The following RBFOX1 variants were observed in gnomAD, a reference collection of about 807,000 sequenced individuals.
RBFOX1 encodes RNA binding protein fox-1 homolog 1.
A neutral mutation model predicts 57.7 loss-of-function variants in RBFOX1; 8 were observed. That is an observed-to-expected ratio of 0.14 (90% CI 0.08 to 0.25). The LOEUF is 0.25. Ranked by LOEUF, RBFOX1 falls within the 10% of genes least tolerant of loss-of-function variation. The pLI is 1.00. For synonymous variants in RBFOX1, 326 were observed against 222.4 expected (o/e 1.47, Z -4.15); for missense variants, 611 against 548.5 (o/e 1.11, Z -1.14).
At chr16:7,709,979 T>G in intron 15 of RBFOX1, 10 of 1,008,330 alleles carry the variant, frequency 9.9e-6, no homozygotes, top group Non-Finnish European at 1.1e-5. Context: ...TTGCCAATAC[T>G]TTTAGAAAAA....
At chr16:7,148,771 C>T (rs572102473) in intron 4 of RBFOX1, among the ~76,000 whole-genome samples, 4 of 152,324 alleles carry the variant, frequency 2.6e-5, no homozygotes, top group South Asian at 2.1e-4. Context: ...GCAGAGCTGC[C>T]TGAGACTAAT....
At chr16:7,608,916 G>A (rs2141335194) in intron 10 of RBFOX1, among the ~76,000 whole-genome samples, 1 of 152,262 alleles carries the variant, frequency 6.6e-6, no homozygotes, top group South Asian at 2.1e-4. Flanking sequence ...TTCCTTCATT[G>A]ATGAGAGTAC....
intron 4 of RBFOX1, among the ~76,000 whole-genome samples, chr16:7,179,693 T>G (rs959727146): frequency 3.3e-5 from 5 of 152,098 alleles, no homozygotes; most frequent in African/African-American, 1.2e-4. Flanking sequence ...CCTTCATTTG[T>G]ATATAGAACT....
intron 1 of RBFOX1, among the ~76,000 whole-genome samples, chr16:6,109,704 C>A (rs1360835890): frequency 6.6e-6 from 1 of 152,056 alleles, no homozygotes; most frequent in Non-Finnish European, 1.5e-5. Context: ...TAAAAAATTA[C>A]TTGACTGGGG....
intron 2 of RBFOX1, among the ~76,000 whole-genome samples, chr16:6,638,810 A>G (rs891334678): frequency 6.6e-6 from 1 of 152,180 alleles, no homozygotes. Context: ...GATGGCCACC[A>G]TTTTGGTCTT....
At chr16:6,997,066 A>G (rs927175316) in intron 3 of RBFOX1, among the ~76,000 whole-genome samples, 6 of 152,148 alleles carry the variant, frequency 3.9e-5, no homozygotes, top group African/African-American at 9.7e-5. Flanking sequence ...TAGACAGATG[A>G]AAAATAATAA....
rs371795746 is a variant in RBFOX1 at position 7,022,979 on chromosome 16, C to T, written c.-15-29078C>T. On this transcript the variant is annotated intron_variant, in intron 3 of 15. Coordinates refer to ENST00000550418, the MANE Select transcript of RBFOX1 (RefSeq NM_018723.4). ...ACAGCCAGGAAGGAGGCAGAATGGG[C>T]AGTGAAATGCTTTTGCAGAAGTTGG... is the stretch of plus-strand genomic sequence containing the variant. Among the ~76,000 whole-genome samples the T allele has an allele frequency of 2.6e-4, 39 of 152,158 alleles. 1 individual carries two copies. Among genetic ancestry groups the T allele is most frequent in the East Asian group, 2.5e-3 (13 of 5,154 alleles).
intron 3 of RBFOX1, among the ~76,000 whole-genome samples, chr16:6,658,559 A>G (rs1330732518): frequency 6.6e-6 from 1 of 152,134 alleles, no homozygotes; most frequent in East Asian, 1.9e-4. Context: ...TTATCTGCGC[A>G]CAGTCTGGGC....
At chr16:7,146,824 C>A (rs2075072387) in intron 4 of RBFOX1, among the ~76,000 whole-genome samples, 1 of 149,826 alleles carries the variant, frequency 6.7e-6, no homozygotes, top group African/African-American at 2.5e-5. Context: ...GTGGCACATG[C>A]CTGTAGTCCC....
rs112929793 is a variant in RBFOX1, at chr16:7,449,134, G to A, written c.28-69013G>A. 4.8e-3 allele frequency among the ~76,000 whole-genome samples: 732 copies of A among 151,988 alleles called. 4 individuals are homozygous for A. The highest frequency in any genetic ancestry group is 0.016 in the African/African-American group (668 of 41,442). Reference sequence around the variant, plus strand: ...AGTAGAGACGGGGTTTCTCCATGTTGGTCAGGCTGGTCTCGAACTCCCGAC... The same window carrying A: ...AGTAGAGACGGGGTTTCTCCATGTTAGTCAGGCTGGTCTCGAACTCCCGAC... On this transcript the variant is annotated intron_variant, in intron 4 of 15. Coordinates refer to ENST00000550418, the MANE Select transcript of RBFOX1 (RefSeq NM_018723.4).
intron 1 of RBFOX1, among the ~76,000 whole-genome samples, chr16:6,039,670 A>C (rs1237729347): frequency 5.9e-5 from 9 of 152,248 alleles, no homozygotes; most frequent in African/African-American, 1.9e-4. Flanking sequence ...AAACGTTTCA[A>C]ATTCTCTCAC....
intron 2 of RBFOX1, among the ~76,000 whole-genome samples, chr16:6,318,989 C>G (rs867746488): frequency 4.6e-5 from 7 of 151,888 alleles, no homozygotes; most frequent in African/African-American, 1.7e-4. Flanking sequence ...TCCTCTGGAA[C>G]AAACATTGAA....
Position 6,780,310 on chromosome 16 carries a change from TA to T in RBFOX1, c.-16+125661del, listed in dbSNP as rs1417570905. ...ACATATATATATTTATACATATATATATTTATTCATATTTATATATATTTAT... is the reference window on the plus strand; with the variant it reads ...ACATATATATATTTATACATATATATTTTATTCATATTTATATATATTTAT... On this transcript the variant is annotated intron_variant, in intron 3 of 15. Coordinates refer to ENST00000550418, the MANE Select transcript of RBFOX1 (RefSeq NM_018723.4). Among the ~76,000 whole-genome samples the T allele has an allele frequency of 2.4e-4, 17 of 70,894 alleles. 2 individuals are homozygous for T. Among genetic ancestry groups the T allele is most frequent in the African/African-American group, 1.2e-3 (16 of 13,732 alleles). The allele number at this position is 70,894 out of a possible 152,430, so 46.5% of individuals were successfully genotyped here. A position where few individuals can be genotyped will look rare whatever the true frequency, so the allele number is the denominator to read the frequency against.
At chr16:6,351,360 A>C (rs2086333207) in intron 2 of RBFOX1, among the ~76,000 whole-genome samples, 1 of 93,612 alleles carries the variant, frequency 1.1e-5, no homozygotes, top group African/African-American at 5.9e-5. Flanking sequence ...GTGTATATAT[A>C]TATATATATA....
chr16:5,882,081 A>G lies in RBFOX1; in HGVS notation c.351+14746A>G, dbSNP rs115676787. ...GTTATTTACATTTTACAGAATAGGAACTAGGTTCAGAGAGATTAAGTAACA... is the reference window on the plus strand; with the variant it reads ...GTTATTTACATTTTACAGAATAGGAGCTAGGTTCAGAGAGATTAAGTAACA... On this transcript the variant is annotated intron_variant, in intron 4 of 19. Coordinates refer to the RBFOX1 transcript ENST00000641259. Among the ~76,000 whole-genome samples the G allele has an allele frequency of 4.6e-3, 702 of 152,304 alleles. 6 individuals carry two copies. The highest frequency in any genetic ancestry group is 0.017 in the African/African-American group (686 of 41,554).
intron 1 of RBFOX1, among the ~76,000 whole-genome samples, chr16:6,279,909 T>C (rs911718795): frequency 6.6e-6 from 1 of 151,906 alleles, no homozygotes; most frequent in Non-Finnish European, 1.5e-5. Context: ...TTTTTAATGA[T>C]CTGGAAGGGA....
chr16:6,802,560 C>G (rs1330186104), intron 3 of RBFOX1, among the ~76,000 whole-genome samples: 1 of 152,066 alleles, frequency 6.6e-6, no homozygotes, highest in Non-Finnish European at 1.5e-5. Context: ...ACCTGTAATC[C>G]CAGATACTTG....
At position 7,711,460 on chromosome 16, in the gene RBFOX1, C is replaced by T. The variant is rs927637226; in HGVS notation, c.*715C>T. 6.6e-6 allele frequency: 1 copy of T among 152,464 alleles called. No homozygotes were observed. The highest frequency in any genetic ancestry group is 6.6e-5 in the Admixed American group (1 of 15,262). 9.4% of individuals were successfully genotyped at this position (152,464 alleles called of 1,614,324 possible). On this transcript the variant is annotated 3_prime_UTR_variant, in exon 16 of 16. Coordinates refer to ENST00000550418, the MANE Select transcript of RBFOX1 (RefSeq NM_018723.4). Reference sequence around the variant, plus strand: ...CCAGTCGCTATTTAGGAAAAAAAACCCACTAGTTAGGCCATCAACAAGCAT... The same window carrying T: ...CCAGTCGCTATTTAGGAAAAAAAACTCACTAGTTAGGCCATCAACAAGCAT...
intron 4 of RBFOX1, among the ~76,000 whole-genome samples, chr16:7,365,001 T>G (rs757636906): frequency 4.4e-4 from 61 of 137,106 alleles, no homozygotes; most frequent in Non-Finnish European, 1.2e-4. Context: ...TTGGGGAATC[T>G]ATCTGTCTGT....
Sources: gnomAD v4.1 joint callset for allele counts (sites outside exome capture counted in the v4.1 genomes callset) on GRCh38, gnomAD v4.1.1 for gene constraint, MANE v1.5 for transcripts, NCBI Gene and HGNC (gene_info 2026-07-23, HGNC 2026-07-21) for gene names.